PSMB1: variants seen among roughly 807,000 people sequenced by gnomAD.
PSMB1 encodes proteasome subunit beta type-1.
A neutral mutation model predicts 25.4 loss-of-function variants in PSMB1; 7 were observed. The ratio of observed to expected loss-of-function variants is 0.28; its 90% CI spans 0.16 to 0.52. PSMB1 has a LOEUF of 0.52. Ranked by LOEUF, PSMB1 falls within the 20% of genes least tolerant of loss-of-function variation. The pLI, the probability that PSMB1 is intolerant of heterozygous loss-of-function variation, is 0.97. For synonymous variants in PSMB1, 119 were observed against 115.0 expected, an observed-to-expected ratio of 1.03 and a Z score of -0.22; for missense variants, 284 against 302.2, an observed-to-expected ratio of 0.94 and a Z score of 0.45.
Position 170,537,247 on chromosome 6 carries a change from A to G in PSMB1, c.527T>C (p.Leu176Pro), listed in dbSNP as rs1778706316. The stretch of plus-strand genomic sequence containing the variant: ...CAGTATCATTACCTGGTTGTCAAGC[A>G]GGGGCTGTAGCATGGCACTTGCTGA... ...GGSASAMLQPLLDNQVGFKNM... is the reference protein window; with the variant it reads ...GGSASAMLQPPLDNQVGFKNM... Residue 176 changes from leucine (L) to proline (P), a missense_variant, in exon 5 of 6, where the codon CTG becomes CCG. Physicochemically the swap from Leu to Pro is moderately conservative, Grantham distance 98. Coordinates refer to ENST00000262193, the MANE Select transcript of PSMB1 (RefSeq NM_002793.4). 1.9e-6 allele frequency: 3 copies of G among 1,613,650 alleles called. No homozygotes were observed. Among genetic ancestry groups the G allele is most frequent in the Admixed American group, 1.7e-5 (1 of 60,000 alleles).
intron 1 of PSMB1, 46 bp from the exon 2 acceptor site, chr6:170,549,159 T>C: frequency 8.9e-7 from 1 of 1,118,826 alleles, no homozygotes; most frequent in Non-Finnish European, 1.3e-6. Flanking sequence ...GGTAATCCTA[T>C]CCCTACAAAT....
chr6:170,553,059 T>C (rs1778935374), intron 1 of PSMB1, 71 bp downstream of exon 1: 2 of 1,343,674 alleles, frequency 1.5e-6, no homozygotes, highest in Admixed American at 2.1e-5. Flanking sequence ...ATCACGGCGG[T>C]GACTCCTAAA....
chr6:170,542,429 G>A (rs1778768221), intron 4 of PSMB1, among the ~76,000 whole-genome samples: 1 of 152,104 alleles, frequency 6.6e-6, no homozygotes, highest in Admixed American at 6.5e-5. Context: ...TCTGTGATGT[G>A]GCCAGCCGCA....
intron 3 of PSMB1, among the ~76,000 whole-genome samples, chr6:170,545,790 G>T (rs1366345436): frequency 1.3e-5 from 2 of 152,332 alleles, no homozygotes; most frequent in East Asian, 3.9e-4. Context: ...TCCTGCCACA[G>T]AAATTGATTT....
rs527710575 is a variant in PSMB1, at chr6:170,552,594, G to A, written c.113+536C>T. On this transcript the variant is annotated intron_variant, in intron 1 of 5. Coordinates refer to ENST00000262193, the MANE Select transcript of PSMB1 (RefSeq NM_002793.4). The stretch of plus-strand genomic sequence containing the variant: ...CCTTCTATTTGAAATAAAACAAAAT[G>A]ATTAAACTGCTACAATTAGAAATAA... 2.6e-5 allele frequency among the ~76,000 whole-genome samples: 4 copies of A among 152,048 alleles called. No homozygotes were observed. The South Asian group carries it at 6.2e-4, about 24-fold the overall frequency.
intron 4 of PSMB1, 58 bp from the exon 5 acceptor site, chr6:170,537,398 G>T: frequency 7.2e-7 from 1 of 1,381,720 alleles, no homozygotes; most frequent in Non-Finnish European, 1.0e-6. Flanking sequence ...CCAAATCATC[G>T]CAAAAATAAA....
At position 170,553,258 on chromosome 6, in the gene PSMB1, G is replaced by C; in HGVS notation, c.-16C>G. 2.5e-6 allele frequency: 4 copies of C among 1,583,556 alleles called. No homozygotes were observed. The highest frequency in any genetic ancestry group is 3.5e-6 in the Non-Finnish European group (4 of 1,157,714). On this transcript the variant is annotated 5_prime_UTR_variant, in exon 1 of 6. Transcript: ENST00000262193. ...AGGACAACATCGCACGGCTGCGCCT[G>C]CGGATCCGACACTTGCTGTCTCACG... is the stretch of plus-strand genomic sequence containing the variant.
chr6:170,549,037 G>A lies in PSMB1; in HGVS notation c.190C>T (p.His64Tyr), dbSNP rs1339718036. 3 of 1,613,056 alleles carry A rather than the reference G, an allele frequency of 1.9e-6. No individual in the cohort carries two copies. Among genetic ancestry groups the A allele is most frequent in the Non-Finnish European group, 2.5e-6 (3 of 1,179,110 alleles). The change falls in exon 2 of 6, where the codon CAT becomes TAT. Residue 64 changes from histidine to tyrosine, a missense_variant. By Grantham distance (83) the His-to-Tyr change is moderately conservative. Transcript: ENST00000262193. ...TAACATTTGGGGCTATCCCGCGTAT[G>A]AATTGAAAACCCTTCACTCAATCGA... Reference protein sequence around the residue: ...DTRLSEGFSIHTRDSPKCYKL... With the variant: ...DTRLSEGFSIYTRDSPKCYKL...
At chr6:170,553,012 C>G in intron 1 of PSMB1, 118 bp downstream of exon 1, 1 of 829,354 alleles carries the variant, frequency 1.2e-6, no homozygotes, top group Non-Finnish European at 1.9e-6. Context: ...CCCCTCAGCT[C>G]AGGGTTCTGA....
At chr6:170,536,933 G>T (rs1181742739) in intron 5 of PSMB1, among the ~76,000 whole-genome samples, 1 of 152,064 alleles carries the variant, frequency 6.6e-6, no homozygotes, top group Non-Finnish European at 1.5e-5. Context: ...ATGATCTTCA[G>T]GTAAAGACAG....
At chr6:170,545,687 G>T (rs1778808772) in intron 3 of PSMB1, among the ~76,000 whole-genome samples, 1 of 152,142 alleles carries the variant, frequency 6.6e-6, no homozygotes, top group Non-Finnish European at 1.5e-5. Flanking sequence ...CATGCATCCT[G>T]CCAACTAAGA....
intron 3 of PSMB1, among the ~76,000 whole-genome samples, chr6:170,544,693 C>T (rs1432693276): frequency 1.3e-5 from 2 of 151,964 alleles, no homozygotes; most frequent in Admixed American, 6.6e-5. Flanking sequence ...CAAAGTGAGA[C>T]GCTGTCTCTA....
intron 3 of PSMB1, 77 bp from the exon 4 acceptor site, chr6:170,543,807 G>T: frequency 7.5e-7 from 1 of 1,333,298 alleles, no homozygotes; most frequent in Non-Finnish European, 1.0e-6. Flanking sequence ...AGTATAAAGT[G>T]AATAAATAAA....
intron 3 of PSMB1, among the ~76,000 whole-genome samples, chr6:170,544,403 T>G (rs190826362): frequency 3.3e-4 from 50 of 152,258 alleles, no homozygotes; most frequent in African/African-American, 1.1e-3. Flanking sequence ...AACAGGGTCT[T>G]AGCATGACAA....
chr6:170,537,709 A>G (rs186448314), intron 4 of PSMB1, among the ~76,000 whole-genome samples: 1 of 152,346 alleles, frequency 6.6e-6, no homozygotes, highest in Non-Finnish European at 1.5e-5. Flanking sequence ...AGATGACAAG[A>G]GAATTAACCA....
chr6:170,541,687 C>T (rs1283345384), intron 4 of PSMB1, among the ~76,000 whole-genome samples: 3 of 152,196 alleles, frequency 2.0e-5, no homozygotes, highest in Non-Finnish European at 4.4e-5. Flanking sequence ...TTAAAGAACA[C>T]TTAAAAGCCA....
intron 2 of PSMB1, among the ~76,000 whole-genome samples, chr6:170,548,026 A>C (rs1403725763): frequency 1.3e-5 from 2 of 152,236 alleles, no homozygotes; most frequent in Non-Finnish European, 2.9e-5. Flanking sequence ...CAAGTTGTAC[A>C]AGTGTCGTCC....
intron 4 of PSMB1, among the ~76,000 whole-genome samples, chr6:170,542,158 T>C (rs907365195): frequency 6.6e-6 from 1 of 152,190 alleles, no homozygotes; most frequent in Non-Finnish European, 1.5e-5. Context: ...AAAAAGAAAT[T>C]GTGTCAACCT....
Position 170,537,203 on chromosome 6 carries a change from TAGTATCATTACCTGGACAC to T in PSMB1, c.540+12_540+30del, listed in dbSNP as rs771260723. On this transcript the variant is annotated intron_variant, in intron 5 of 5. Coordinates refer to ENST00000262193, the MANE Select transcript of PSMB1 (RefSeq NM_002793.4). ...ACTGAACACCATGACAAGTTGGACATAGTATCATTACCTGGACACAGTATCATTACCTGGTTGTCAAGCA... is the reference window on the plus strand; with the variant it reads ...ACTGAACACCATGACAAGTTGGACATAGTATCATTACCTGGTTGTCAAGCA... 1 of 1,537,842 alleles carries T rather than the reference TAGTATCATTACCTGGACAC, an allele frequency of 6.5e-7. No individual in the cohort carries two copies. Among genetic ancestry groups the T allele is most frequent in the Admixed American group, 1.7e-5 (1 of 59,732 alleles).
Sources: gnomAD v4.1 joint callset for allele counts (sites outside exome capture counted in the v4.1 genomes callset) on GRCh38, gnomAD v4.1.1 for gene constraint, MANE v1.5 for transcripts, NCBI Gene and HGNC (gene_info 2026-07-23, HGNC 2026-07-21) for gene names.